WDPCP: variants seen among roughly 807,000 people sequenced by gnomAD.
The protein encoded by WDPCP is WD repeat-containing and planar cell polarity effector protein fritz homolog.
WDPCP carries 71 observed loss-of-function variants against 93.1 expected under a neutral mutation model. That is an observed-to-expected ratio of 0.76 (90% confidence interval 0.63 to 0.93). WDPCP has a LOEUF of 0.93. WDPCP is among the 40% of genes least tolerant of loss of function. WDPCP has a pLI of 0.00. For synonymous variants in WDPCP, 315 were observed against 315.0 expected, an observed-to-expected ratio of 1.00 and a Z score of 0.00; for missense variants, 844 against 887.4, an observed-to-expected ratio of 0.95 and a Z score of 0.62.
chr2:63,607,117 C>A, intron 3 of WDPCP: 1 of 851,088 alleles, frequency 1.2e-6, no homozygotes, highest in Non-Finnish European at 1.7e-6. Context: ...AGATTACGTG[C>A]TTCTTGGTAC....
chr2:63,483,731 A>T (rs544629232), intron 6 of WDPCP, among the ~76,000 whole-genome samples: 1 of 152,106 alleles, frequency 6.6e-6, no homozygotes. Context: ...TTGATTCCAT[A>T]CATCAGTTAC....
At chr2:63,201,124 C>T (rs1454669299) in intron 14 of WDPCP, among the ~76,000 whole-genome samples, 1 of 152,108 alleles carries the variant, frequency 6.6e-6, no homozygotes, top group East Asian at 1.9e-4. Flanking sequence ...AGAGTGAGTT[C>T]TCATGAGATC....
intron 2 of WDPCP, among the ~76,000 whole-genome samples, chr2:63,795,304 T>C (rs1670597468): frequency 6.6e-6 from 1 of 152,134 alleles, no homozygotes; most frequent in African/African-American, 2.4e-5. Flanking sequence ...TAATAACATT[T>C]CATTGAACTA....
At chr2:63,582,821 G>A (rs543308754) in intron 1 of WDPCP, among the ~76,000 whole-genome samples, 10 of 152,020 alleles carry the variant, frequency 6.6e-5, no homozygotes, top group Admixed American at 2.0e-4. Context: ...CTCTATATCC[G>A]GTGAAAATAT....
chr2:63,268,272 A>T (rs575381559), intron 13 of WDPCP, among the ~76,000 whole-genome samples: 24 of 152,194 alleles, frequency 1.6e-4, no homozygotes, highest in Non-Finnish European at 3.1e-4. Flanking sequence ...GATTTTTTTT[A>T]AATTGATTTC....
At chr2:63,298,572 T>TC (rs762063810) in intron 13 of WDPCP, among the ~76,000 whole-genome samples, 2 of 152,130 alleles carry the variant, frequency 1.3e-5, no homozygotes, top group Non-Finnish European at 2.9e-5. Context: ...CTCTCAAGAC[T>TC]CCAAGTTCTT....
chr2:63,605,281 C>T, intron 3 of WDPCP: 1 of 1,604,822 alleles, frequency 6.2e-7, no homozygotes, highest in Non-Finnish European at 8.5e-7. Context: ...CCTTCCCAGA[C>T]TGTGCAGCAG....
chr2:63,390,573 G>T (rs1181570178), intron 10 of WDPCP, among the ~76,000 whole-genome samples: 1 of 152,228 alleles, frequency 6.6e-6, no homozygotes, highest in Middle Eastern at 3.4e-3. Context: ...AAGAGATAGA[G>T]ACACAAAAAA....
At chr2:63,538,502 T>C (rs1704479482) in intron 1 of WDPCP, among the ~76,000 whole-genome samples, 1 of 152,158 alleles carries the variant, frequency 6.6e-6, no homozygotes, top group South Asian at 2.1e-4. Context: ...TTTTGCACAT[T>C]CTATGGGAGA....
chr2:63,795,583 A>C (rs909836805), intron 2 of WDPCP, among the ~76,000 whole-genome samples: 6 of 151,998 alleles, frequency 3.9e-5, no homozygotes, highest in African/African-American at 1.4e-4. Flanking sequence ...GACAGACAGA[A>C]AGAAGGAAAG....
At chr2:63,506,590 C>G (rs1010555723) in intron 1 of WDPCP, among the ~76,000 whole-genome samples, 1 of 152,004 alleles carries the variant, frequency 6.6e-6, no homozygotes, top group Non-Finnish European at 1.5e-5. Flanking sequence ...TGGAGGAAGT[C>G]AAAAAGCACA....
chr2:63,191,329 T>G (rs1318916914), intron 14 of WDPCP, among the ~76,000 whole-genome samples: 2 of 152,006 alleles, frequency 1.3e-5, no homozygotes, highest in African/African-American at 4.8e-5. Context: ...GAGGCGGAGC[T>G]TGCAGTGAGC....
intron 1 of WDPCP, among the ~76,000 whole-genome samples, chr2:63,527,516 A>G (rs919413275): frequency 1.3e-5 from 2 of 151,956 alleles, no homozygotes; most frequent in African/African-American, 4.8e-5. Flanking sequence ...GATGGTTTCC[A>G]GCTTCATCCA....
intron 2 of WDPCP, among the ~76,000 whole-genome samples, chr2:63,702,721 CT>C (rs1195871261): frequency 6.2e-4 from 87 of 140,424 alleles, no homozygotes; most frequent in Admixed American, 9.3e-4. Context: ...TTTTTTTTTA[CT>C]TTTTTTTTTT....
intron 15 of WDPCP, among the ~76,000 whole-genome samples, chr2:63,163,464 G>C (rs1450174633): frequency 6.6e-6 from 1 of 152,148 alleles, no homozygotes; most frequent in Non-Finnish European, 1.5e-5. Flanking sequence ...TGAACTTACA[G>C]TTTTATGTAA....
Position 63,533,049 on chromosome 2 carries a change from G to C in WDPCP, c.76-40109C>G, listed in dbSNP as rs1703986516. Among the ~76,000 whole-genome samples the C allele has an allele frequency of 2.0e-5, 3 of 152,038 alleles. No homozygotes were observed. In the South Asian group the frequency reaches 6.2e-4, roughly 32 times the overall value. On this transcript the variant is annotated intron_variant, in intron 1 of 17. Transcript: ENST00000272321. ...ACAAATGGAAAACAAAAAAAAGCAG[G>C]GGTTGCAATCCTAGTCTCTGATAAA...
At chr2:63,773,558 G>A (rs1220117509) in intron 2 of WDPCP, among the ~76,000 whole-genome samples, 2 of 151,906 alleles carry the variant, frequency 1.3e-5, no homozygotes, top group Non-Finnish European at 2.9e-5. Context: ...ATTAAGCTGA[G>A]TACTTAAGAA....
At chr2:63,756,781 A>C (rs1669974919) in intron 2 of WDPCP, among the ~76,000 whole-genome samples, 1 of 152,212 alleles carries the variant, frequency 6.6e-6, no homozygotes, top group Non-Finnish European at 1.5e-5. Flanking sequence ...TATGGCACAT[A>C]AAGGTTTTGT....
chr2:63,498,791 A>C (rs907440940), intron 1 of WDPCP, among the ~76,000 whole-genome samples: 8 of 152,234 alleles, frequency 5.3e-5, no homozygotes, highest in African/African-American at 1.9e-4. Flanking sequence ...ATAGCAAAGA[A>C]AGAATTAAGA....
Sources: gnomAD v4.1 joint callset for allele counts (sites outside exome capture counted in the v4.1 genomes callset) on GRCh38, gnomAD v4.1.1 for gene constraint, MANE v1.5 for transcripts, NCBI Gene and HGNC (gene_info 2026-07-23, HGNC 2026-07-21) for gene names.